Variants in CSMD1 observed in about 807,000 individuals in gnomAD.
The protein encoded by CSMD1 is CUB and sushi domain-containing protein 1.
CSMD1 carries 213 observed loss-of-function variants against 417.5 expected under a neutral mutation model. The observed-to-expected ratio is 0.51, with a 90% confidence interval of 0.46 to 0.57. The LOEUF (loss-of-function observed/expected upper bound fraction) is 0.57. Among genes scored for constraint, CSMD1 ranks in the 20% least tolerant of loss-of-function variants. The probability of loss-of-function intolerance (pLI) is 0.00; values close to 1 mark genes in which losing one functional copy is unlikely to be tolerated. For synonymous variants in CSMD1, 2,862 were observed against 1,736.8 expected (o/e 1.65, Z -16.11); for missense variants, 6,923 against 4,529.7 (o/e 1.53, Z -15.17).
At chr8:4,492,831 G>A (rs906245632) in intron 2 of CSMD1, among the ~76,000 whole-genome samples, 1 of 152,158 alleles carries the variant, frequency 6.6e-6, no homozygotes, top group African/African-American at 2.4e-5. Flanking sequence ...TCCAGATGCT[G>A]CTTCTCATGC....
chr8:3,976,362 G>A (rs929935759), intron 5 of CSMD1, among the ~76,000 whole-genome samples: 2 of 152,074 alleles, frequency 1.3e-5, no homozygotes, highest in African/African-American at 2.4e-5. Flanking sequence ...CTATCATGAC[G>A]TTGATGAAGA....
chr8:3,268,465 A>G (rs991039368), intron 26 of CSMD1, among the ~76,000 whole-genome samples: 1 of 151,324 alleles, frequency 6.6e-6, no homozygotes, highest in Non-Finnish European at 1.5e-5. Flanking sequence ...ATTTTTTTGT[A>G]TTTTTAGTAG....
intron 3 of CSMD1, among the ~76,000 whole-genome samples, chr8:4,274,336 A>G (rs1344456610): frequency 2.6e-5 from 4 of 152,148 alleles, no homozygotes; most frequent in African/African-American, 9.7e-5. Context: ...AAAACACATG[A>G]CTTTTTTTAC....
At chr8:4,439,432 G>A (rs1235822316) in intron 2 of CSMD1, among the ~76,000 whole-genome samples, 1 of 151,980 alleles carries the variant, frequency 6.6e-6, no homozygotes, top group Admixed American at 6.6e-5. Context: ...ATAATGTAAT[G>A]ATTTTCATCT....
chr8:4,034,130 T>A (rs1797497254), intron 3 of CSMD1, among the ~76,000 whole-genome samples: 2 of 152,212 alleles, frequency 1.3e-5, no homozygotes, highest in East Asian at 3.9e-4. Context: ...ATTTTCTGTT[T>A]TATTAGTTTT....
chr8:4,133,425 A>C (rs140250829), intron 3 of CSMD1, among the ~76,000 whole-genome samples: 27 of 152,266 alleles, frequency 1.8e-4, no homozygotes, highest in Non-Finnish European at 3.7e-4. Flanking sequence ...TCCTAACATA[A>C]ATTTAAATAA....
intron 1 of CSMD1, among the ~76,000 whole-genome samples, chr8:4,660,143 A>G (rs1003986594): frequency 1.1e-4 from 16 of 151,798 alleles, no homozygotes; most frequent in African/African-American, 3.9e-4. Flanking sequence ...ACGAAATAAA[A>G]TTTATATACA....
intron 1 of CSMD1, among the ~76,000 whole-genome samples, chr8:4,738,802 C>T (rs1810409748): frequency 6.6e-6 from 1 of 151,692 alleles, no homozygotes; most frequent in Non-Finnish European, 1.5e-5. Flanking sequence ...AGATGGATGC[C>T]CCTGTCTGAG....
chr8:4,508,627 T>C (rs933230789), intron 2 of CSMD1, among the ~76,000 whole-genome samples: 17 of 152,240 alleles, frequency 1.1e-4, no homozygotes, highest in African/African-American at 3.9e-4. Context: ...TTGGAAGATG[T>C]TTCCTCCTTA....
chr8:4,171,908 C>T (rs1797784483), intron 3 of CSMD1, among the ~76,000 whole-genome samples: 1 of 152,106 alleles, frequency 6.6e-6, no homozygotes, highest in Non-Finnish European at 1.5e-5. Flanking sequence ...CATGTTTTTA[C>T]ATAAATTATG....
At position 3,175,077 on chromosome 8, in the gene CSMD1, T is replaced by A. The variant is rs549945458; in HGVS notation, c.5725+6033A>T. Reference sequence around the variant, plus strand: ...TATATCACAAAATTATCTACATATGTTAATAATTGCAAAATATAAAAGTGT... The same window carrying A: ...TATATCACAAAATTATCTACATATGATAATAATTGCAAAATATAAAAGTGT... On this transcript the variant is annotated intron_variant, in intron 37 of 69. Transcript: ENST00000635120. Among the ~76,000 whole-genome samples, 8 of 152,312 alleles carry A rather than the reference T, an allele frequency of 5.3e-5. No homozygotes were observed. The East Asian group carries it at 1.5e-3, about 29-fold the overall frequency.
chr8:3,490,434 C>T (rs538255992), intron 11 of CSMD1, among the ~76,000 whole-genome samples: 9 of 152,080 alleles, frequency 5.9e-5, no homozygotes, highest in Non-Finnish European at 1.2e-4. Context: ...TACCTGCCTG[C>T]ATTTATATTT....
At chr8:4,207,453 C>T (rs963834757) in intron 3 of CSMD1, among the ~76,000 whole-genome samples, 3 of 152,044 alleles carry the variant, frequency 2.0e-5, no homozygotes, top group Non-Finnish European at 4.4e-5. Flanking sequence ...TTTAATTGAA[C>T]CATATCTAAA....
intron 2 of CSMD1, among the ~76,000 whole-genome samples, chr8:4,422,159 T>A (rs527727421): frequency 6.6e-6 from 1 of 152,164 alleles, no homozygotes; most frequent in Non-Finnish European, 1.5e-5. Context: ...CAGTTCCAAA[T>A]GTTCCCACTG....
At chr8:4,520,089 T>C (rs978725065) in intron 2 of CSMD1, among the ~76,000 whole-genome samples, 1 of 152,172 alleles carries the variant, frequency 6.6e-6, no homozygotes, top group African/African-American at 2.4e-5. Context: ...CAGTATTGCA[T>C]TTAGTCATGA....
intron 2 of CSMD1, among the ~76,000 whole-genome samples, chr8:4,549,895 TCAAA>T (rs1361803996): frequency 4.6e-5 from 3 of 65,840 alleles, no homozygotes; most frequent in South Asian, 5.8e-4. Flanking sequence ...AGACTTTGTC[TCAAA>T]AAAAAAAAAA....
intron 3 of CSMD1, among the ~76,000 whole-genome samples, chr8:4,250,058 CT>C (rs2128830079): frequency 6.6e-6 from 1 of 152,286 alleles, no homozygotes; most frequent in Admixed American, 6.5e-5. Context: ...AAAGAGGGCT[CT>C]CAGAGTGGGC....
chr8:3,172,740 A>G (rs1053258612), intron 37 of CSMD1, among the ~76,000 whole-genome samples: 1 of 152,216 alleles, frequency 6.6e-6, no homozygotes, highest in Non-Finnish European at 1.5e-5. Flanking sequence ...TCATTCCTAA[A>G]GAAAAACAAA....
intron 1 of CSMD1, among the ~76,000 whole-genome samples, chr8:4,670,140 T>C (rs184234726): frequency 3.9e-5 from 6 of 152,304 alleles, no homozygotes; most frequent in South Asian, 4.1e-4. Flanking sequence ...GTTAGAAATA[T>C]AGTTTTTCAT....
Sources: gnomAD v4.1 joint callset for allele counts (sites outside exome capture counted in the v4.1 genomes callset) on GRCh38, gnomAD v4.1.1 for gene constraint, MANE v1.5 for transcripts, NCBI Gene and HGNC (gene_info 2026-07-23, HGNC 2026-07-21) for gene names.